Variants in TLK1 observed in about 807,000 individuals in gnomAD.
TLK1 encodes tousled like kinase 1, also known as serine/threonine-protein kinase tousled-like 1.
Under a neutral mutation model 105.3 loss-of-function variants are expected in TLK1, and 24 were observed. The observed-to-expected ratio is 0.23, with a 90% CI of 0.17 to 0.32. The LOEUF (loss-of-function observed/expected upper bound fraction) is 0.32, where lower values mean the gene tolerates loss of function less well. Ranked by LOEUF, TLK1 falls within the 10% of genes least tolerant of loss-of-function variation. The pLI, the probability that TLK1 is intolerant of heterozygous loss-of-function variation, is 1.00. For missense variants in TLK1, 558 were observed against 910.5 expected, an observed-to-expected ratio of 0.61 and a Z score of 4.98; for synonymous variants, 321 against 310.4, an observed-to-expected ratio of 1.03 and a Z score of -0.36.
intron 1 of TLK1, among the ~76,000 whole-genome samples, chr2:171,176,903 G>C (rs1692839478): frequency 6.6e-6 from 1 of 151,608 alleles, no homozygotes; most frequent in African/African-American, 2.4e-5. Context: ...CACAATCTCG[G>C]CTCACTGCAA....
intron 2 of TLK1, among the ~76,000 whole-genome samples, chr2:171,100,272 T>C (rs1689631298): frequency 6.6e-6 from 1 of 152,136 alleles, no homozygotes; most frequent in Non-Finnish European, 1.5e-5. Context: ...CCAAAACTCA[T>C]TTTGAAATTT....
chr2:171,091,004 C>A (rs944586885), intron 2 of TLK1, among the ~76,000 whole-genome samples: 8 of 152,206 alleles, frequency 5.3e-5, no homozygotes, highest in African/African-American at 1.9e-4. Flanking sequence ...ATATCAGAAA[C>A]TTCTATTAGA....
At chr2:171,095,306 A>G (rs1689406869) in intron 2 of TLK1, among the ~76,000 whole-genome samples, 2 of 151,970 alleles carry the variant, frequency 1.3e-5, no homozygotes, top group African/African-American at 2.4e-5. Context: ...GAATAGAAAA[A>G]CAATAGAAAA....
intron 11 of TLK1, among the ~76,000 whole-genome samples, chr2:171,039,958 AAAAT>A (rs987475379): frequency 1.1e-4 from 17 of 152,274 alleles, no homozygotes; most frequent in African/African-American, 2.9e-4. Context: ...TAAAGAGCAA[AAAAT>A]AAATAAATAT....
In TLK1 at chr2:171,160,494, C is replaced by G; in HGVS notation, c.-66G>C. ...CAGCGGCGGCAACGGCACCGGCACC[C>G]GCCTCCGTCATGGCGGGGGCCGCGC... On this transcript the variant is annotated 5_prime_UTR_variant, in exon 1 of 21. Coordinates refer to ENST00000431350, the MANE Select transcript of TLK1 (RefSeq NM_012290.5). The surrounding 1 kb of genome is among the most constrained non-coding windows in gnomAD (Gnocchi z 4.4). 2 of 1,569,670 alleles carry G rather than the reference C, an allele frequency of 1.3e-6. No individual in the cohort carries two copies. The highest frequency in any genetic ancestry group is 1.7e-6 in the Non-Finnish European group (2 of 1,163,008).
chr2:171,014,792 T>C (rs1685093493), intron 13 of TLK1, 59 bp downstream of exon 13: 1 of 1,227,336 alleles, frequency 8.1e-7, no homozygotes, highest in South Asian at 1.2e-5. Context: ...GTTTATGCTC[T>C]ATGGGGGGCG....
chr2:171,190,083 C>A (rs1343896259), intron 1 of TLK1, among the ~76,000 whole-genome samples: 2 of 152,162 alleles, frequency 1.3e-5, no homozygotes, highest in Non-Finnish European at 2.9e-5. Flanking sequence ...CAATTAAGAT[C>A]TTTTAGCTGC....
At chr2:171,046,027 A>G in intron 11 of TLK1, 147 bp downstream of exon 11, 1 of 635,990 alleles carries the variant, frequency 1.6e-6, no homozygotes, top group Non-Finnish European at 2.5e-6. Context: ...GGGGCTATTA[A>G]TTTAGAGCTA....
intron 1 of TLK1, among the ~76,000 whole-genome samples, chr2:171,220,847 C>A (rs1693795330): frequency 1.3e-5 from 2 of 151,888 alleles, no homozygotes; most frequent in South Asian, 4.2e-4. Flanking sequence ...AACAAATAAA[C>A]AAAACCTCCT....
At chr2:171,051,797 A>T (rs1258609959) in intron 8 of TLK1, among the ~76,000 whole-genome samples, 1 of 152,234 alleles carries the variant, frequency 6.6e-6, no homozygotes, top group Non-Finnish European at 1.5e-5. Flanking sequence ...GATACAGAAC[A>T]CAGAAACAGA....
intron 2 of TLK1, among the ~76,000 whole-genome samples, chr2:171,110,688 C>T (rs886687957): frequency 9.2e-5 from 14 of 152,076 alleles, no homozygotes; most frequent in African/African-American, 3.4e-4. Context: ...GAACAGAAAA[C>T]AGATCAGTGG....
chr2:171,096,688 G>T (rs930717048), intron 2 of TLK1, among the ~76,000 whole-genome samples: 2 of 151,174 alleles, frequency 1.3e-5, no homozygotes, highest in Non-Finnish European at 2.9e-5. Context: ...AACTCAGGAG[G>T]CAGAGGATGC....
intron 3 of TLK1, among the ~76,000 whole-genome samples, chr2:171,070,604 T>C (rs529545395): frequency 1.8e-4 from 28 of 152,310 alleles, no homozygotes; most frequent in South Asian, 8.3e-4. Context: ...AAATGACAGA[T>C]TGCATTCTTT....
At chr2:171,046,114 G>T in intron 11 of TLK1, 60 bp downstream of exon 11, 2 of 1,340,722 alleles carry the variant, frequency 1.5e-6, no homozygotes, top group Non-Finnish European at 2.0e-6. Context: ...ACATCCATTA[G>T]TAACATTCAC....
At chr2:171,019,918 C>T (rs184370462) in intron 12 of TLK1, among the ~76,000 whole-genome samples, 7 of 151,990 alleles carry the variant, frequency 4.6e-5, no homozygotes, top group South Asian at 4.2e-4. Context: ...ATAAGCCAGA[C>T]GTGGTGGTGC....
chr2:171,058,110 G>C (rs766326720), intron 5 of TLK1, 41 bp downstream of exon 5: 1 of 1,601,632 alleles, frequency 6.2e-7, no homozygotes, highest in South Asian at 1.1e-5. Context: ...CAGCAGAATA[G>C]TACTGAATTA....
At chr2:171,020,523 C>T (rs1319670642) in intron 12 of TLK1, among the ~76,000 whole-genome samples, 1 of 145,406 alleles carries the variant, frequency 6.9e-6, no homozygotes, top group Non-Finnish European at 1.5e-5. Context: ...CTTGGTGACA[C>T]AGCGAGACTG....
chr2:171,186,816 T>C (rs1693032981), intron 1 of TLK1, among the ~76,000 whole-genome samples: 1 of 151,918 alleles, frequency 6.6e-6, no homozygotes, highest in African/African-American at 2.4e-5. Flanking sequence ...TCTCAGTACT[T>C]TGGGAGGCCG....
At chr2:171,051,318 T>C (rs946596174) in intron 8 of TLK1, among the ~76,000 whole-genome samples, 5 of 152,066 alleles carry the variant, frequency 3.3e-5, no homozygotes, top group Non-Finnish European at 7.4e-5. Context: ...AAATTCAATG[T>C]TTTATCCTGG....
Sources: gnomAD v4.1 joint callset for allele counts (sites outside exome capture counted in the v4.1 genomes callset) on GRCh38, gnomAD v4.1.1 for gene constraint, Gnocchi (gnomAD v3.1) non-coding constraint, MANE v1.5 for transcripts, NCBI Gene and HGNC (gene_info 2026-07-23, HGNC 2026-07-21) for gene names.